Variants in CACNB4 observed in about 807,000 individuals in gnomAD.
CACNB4 encodes the protein calcium voltage-gated channel auxiliary subunit beta 4, also known as voltage-dependent L-type calcium channel subunit beta-4.
Under a neutral mutation model 71.2 loss-of-function variants are expected in CACNB4, and 32 were observed. The ratio of observed to expected loss-of-function variants is 0.45; its 90% CI spans 0.34 to 0.60. CACNB4 has a LOEUF of 0.60. CACNB4 is among the 20% of genes least tolerant of loss of function. CACNB4 has a pLI of 0.01. For synonymous variants in CACNB4, 231 were observed against 236.9 expected, an observed-to-expected ratio of 0.97 and a Z score of 0.23; for missense variants, 464 against 647.9, an observed-to-expected ratio of 0.72 and a Z score of 3.08.
intron 2 of CACNB4, among the ~76,000 whole-genome samples, chr2:151,959,752 T>G (rs1390616898): frequency 6.6e-6 from 1 of 152,212 alleles, no homozygotes; most frequent in Non-Finnish European, 1.5e-5. Context: ...TTTAGCTATT[T>G]TTATACCTGT....
rs796161186 is a variant in CACNB4, at chr2:152,035,651, C to CTCTCTCTATATA, written c.147+62678_147+62679insTATATAGAGAGA. Among the ~76,000 whole-genome samples, 615 of 118,036 alleles carry CTCTCTCTATATA rather than the reference C, an allele frequency of 5.2e-3. 7 individuals carry two copies. The highest frequency in any genetic ancestry group is 6.1e-3 in the Non-Finnish European group (366 of 59,728). The allele number at this position is 118,036 out of a possible 152,430, so 77.4% of individuals were successfully genotyped here. A position where few individuals can be genotyped will look rare whatever the true frequency, so the allele number is the denominator to read the frequency against. ...TCTCCCTCTCTCTCTCTCTCTCTCTCTATATATATATATATATGTATGTAT... is the reference window on the plus strand; with the variant it reads ...TCTCCCTCTCTCTCTCTCTCTCTCTCTCTCTCTATATATATATATATATATATATGTATGTAT... On this transcript the variant is annotated intron_variant, in intron 2 of 13. Transcript: ENST00000539935.
At chr2:151,999,759 C>T (rs1682293463) in intron 2 of CACNB4, among the ~76,000 whole-genome samples, 1 of 152,158 alleles carries the variant, frequency 6.6e-6, no homozygotes. Flanking sequence ...AAATTACTAA[C>T]CCAACTCCAG....
chr2:152,012,816 G>A, intron 2 of CACNB4, among the ~76,000 whole-genome samples: 1 of 152,242 alleles, frequency 6.6e-6, no homozygotes, highest in Non-Finnish European at 1.5e-5. Flanking sequence ...TCTTAAAAAT[G>A]TAGTGTAGCC....
chr2:151,916,951 C>T (rs926428319), intron 2 of CACNB4, among the ~76,000 whole-genome samples: 10 of 152,156 alleles, frequency 6.6e-5, no homozygotes, highest in Non-Finnish European at 1.2e-4. Flanking sequence ...GAAATGTCAG[C>T]GGTGCCAAAG....
At chr2:151,933,632 T>C (rs1362726234) in intron 2 of CACNB4, among the ~76,000 whole-genome samples, 2 of 152,156 alleles carry the variant, frequency 1.3e-5, no homozygotes, top group Non-Finnish European at 2.9e-5. Flanking sequence ...CAGACCCTAC[T>C]ACTTCTACTC....
rs79844103 is a variant in CACNB4 at position 151,997,651 on chromosome 2, G to A, written c.147+100679C>T. On this transcript the variant is annotated intron_variant, in intron 2 of 13. Transcript: ENST00000539935. The stretch of plus-strand genomic sequence containing the variant: ...AGCCAAGAAGTCACGGAATGCTAAC[G>A]GCCACCAGACGCTGGAAGGTCAAGG... 1.3e-3 allele frequency among the ~76,000 whole-genome samples: 197 copies of A among 152,230 alleles called. 2 individuals are homozygous for A. Among genetic ancestry groups the A allele is most frequent in the African/African-American group, 4.4e-3 (182 of 41,546 alleles).
intron 2 of CACNB4, among the ~76,000 whole-genome samples, chr2:152,013,500 C>A (rs1237686659): frequency 6.6e-6 from 1 of 152,072 alleles, no homozygotes; most frequent in African/African-American, 2.4e-5. Context: ...TGCCTTTAGA[C>A]CTGCTGGAGC....
intron 9 of CACNB4, among the ~76,000 whole-genome samples, chr2:151,863,755 T>G (rs1353600938): frequency 3.3e-5 from 5 of 152,226 alleles, no homozygotes; most frequent in Non-Finnish European, 1.5e-5. Flanking sequence ...CCTTTTCATG[T>G]GTTCCAATAC....
intron 2 of CACNB4, among the ~76,000 whole-genome samples, chr2:151,998,391 A>G (rs1682196742): frequency 6.6e-6 from 1 of 152,080 alleles, no homozygotes; most frequent in African/African-American, 2.4e-5. Context: ...CGATAAGTAG[A>G]AAGAGAATAT....
At chr2:151,987,613 T>C (rs1343527706) in intron 2 of CACNB4, among the ~76,000 whole-genome samples, 1 of 152,240 alleles carries the variant, frequency 6.6e-6, no homozygotes, top group African/African-American at 2.4e-5. Context: ...ACAGCACATA[T>C]AGCCAAAAGT....
intron 2 of CACNB4, among the ~76,000 whole-genome samples, chr2:152,078,838 A>G (rs1687183017): frequency 6.6e-6 from 1 of 152,154 alleles, no homozygotes; most frequent in African/African-American, 2.4e-5. Context: ...CTTCTTGTAG[A>G]CTGTTAAGTG....
At chr2:152,054,389 A>G (rs1296101940) in intron 2 of CACNB4, among the ~76,000 whole-genome samples, 1 of 138,928 alleles carries the variant, frequency 7.2e-6, no homozygotes, top group Non-Finnish European at 1.6e-5. Context: ...AAAAAAAAAA[A>G]TAGTATTGTG....
rs2099855254 is a variant in CACNB4, at chr2:151,908,120, A to G, written c.148-24750T>C. On this transcript the variant is annotated intron_variant, in intron 2 of 13. Coordinates refer to ENST00000539935, the MANE Select transcript of CACNB4 (RefSeq NM_000726.5). ...TCTGCTGCTGTCAAAGCCCAGTCAG[A>G]GAGGCAGGGCCCAGGGAAAAGGAAC... Among the ~76,000 whole-genome samples, 7 of 152,210 alleles carry G rather than the reference A, an allele frequency of 4.6e-5. No individual in the cohort carries two copies. The South Asian group carries it at 1.4e-3, about 32-fold the overall frequency.
chr2:151,980,012 A>T (rs913318548), intron 2 of CACNB4, among the ~76,000 whole-genome samples: 2 of 152,234 alleles, frequency 1.3e-5, no homozygotes, highest in Non-Finnish European at 2.9e-5. Flanking sequence ...CTTCAGTTCC[A>T]TGATTCCAGA....
intron 2 of CACNB4, among the ~76,000 whole-genome samples, chr2:151,940,879 A>G (rs2099864056): frequency 6.6e-6 from 1 of 152,198 alleles, no homozygotes; most frequent in African/African-American, 2.4e-5. Flanking sequence ...AACAGCCGAA[A>G]CAGAGTATCT....
chr2:152,019,723 C>G (rs571370467), intron 2 of CACNB4, among the ~76,000 whole-genome samples: 2 of 152,146 alleles, frequency 1.3e-5, no homozygotes, highest in Non-Finnish European at 2.9e-5. Context: ...AGATGACCAC[C>G]AAATGTGTGT....
intron 4 of CACNB4, 199 bp downstream of exon 4, chr2:151,880,601 G>A: frequency 1.7e-6 from 1 of 589,910 alleles, no homozygotes; most frequent in Non-Finnish European, 2.9e-6. Context: ...ATTTAATGTT[G>A]TCAGTGTGTG....
At chr2:151,861,842 C>CAAAAAACAAAAA (rs2099841751) in intron 9 of CACNB4, 1 of 61,934 alleles carries the variant, frequency 1.6e-5, no homozygotes, top group Non-Finnish European at 3.3e-5. Context: ...GACCCTGTCT[C>CAAAAAACAAAAA]AAAAAAAAAA....
Position 151,937,216 on chromosome 2 carries a change from T to C in CACNB4, c.148-53846A>G, listed in dbSNP as rs1002985350. On this transcript the variant is annotated intron_variant, in intron 2 of 13. Transcript: ENST00000539935. ...TGTAAGTGGCTGGGTGTAATAACTA[T>C]ATGCCAGGAAGGCTCTTCTCCTTTC... Among the ~76,000 whole-genome samples the C allele has an allele frequency of 2.6e-5, 4 of 152,224 alleles. No individual in the cohort carries two copies. In the East Asian group the frequency reaches 7.7e-4, roughly 29 times the overall value.
Sources: allele counts gnomAD v4.1 joint callset (sites outside exome capture counted in the v4.1 genomes callset), GRCh38; gene constraint gnomAD v4.1.1; transcripts MANE v1.5; gene names NCBI Gene and HGNC (gene_info 2026-07-23, HGNC 2026-07-21).